Variants in CUX1 observed in about 807,000 individuals in gnomAD.
CUX1 encodes cut like homeobox 1, also known as protein CASP.
A neutral mutation model predicts 158.8 loss-of-function variants in CUX1; 31 were observed. The observed-to-expected ratio is 0.20, with a 90% CI of 0.15 to 0.26. CUX1 has a LOEUF of 0.26. Ranked by LOEUF, CUX1 falls within the 10% of genes least tolerant of loss-of-function variation. The pLI, the probability that CUX1 is intolerant of heterozygous loss-of-function variation, is 1.00. For synonymous variants in CUX1, 879 were observed against 862.1 expected, an observed-to-expected ratio of 1.02 and a Z score of -0.34; for missense variants, 1,589 against 2,014.6, an observed-to-expected ratio of 0.79 and a Z score of 4.04.
At chr7:101,989,294 G>C (rs1269336139) in intron 2 of CUX1, among the ~76,000 whole-genome samples, 1 of 152,230 alleles carries the variant, frequency 6.6e-6, no homozygotes, top group Non-Finnish European at 1.5e-5. Flanking sequence ...ACCTCGCCTG[G>C]AACGATGTCT....
At chr7:102,269,773 C>A (rs1791082893) in intron 14 of CUX1, among the ~76,000 whole-genome samples, 1 of 152,148 alleles carries the variant, frequency 6.6e-6, no homozygotes, top group African/African-American at 2.4e-5. Context: ...TCGAACAAGT[C>A]TCTAAGAAGT....
At chr7:102,281,969 C>A in intron 21 of CUX1, 1 of 1,327,134 alleles carries the variant, frequency 7.5e-7, no homozygotes, top group Non-Finnish European at 1.1e-6. Context: ...ATCCCCAGCC[C>A]TGACCTCCAG....
At chr7:101,853,564 C>A (rs559435780) in intron 1 of CUX1, among the ~76,000 whole-genome samples, 262 of 146,402 alleles carry the variant, frequency 1.8e-3, no homozygotes, top group Non-Finnish European at 2.7e-3. Flanking sequence ...GTTCATATAT[C>A]AGAGCATGGC....
At position 102,255,068 on chromosome 7, in the gene CUX1, A is replaced by G; in HGVS notation, c.*6026A>G. On this transcript the variant is annotated 3_prime_UTR_variant, in exon 24 of 24. Coordinates refer to ENST00000292535, the MANE Select transcript of CUX1 (RefSeq NM_181552.4). ...AGAGCGTAAAACAAGCCCCAGCCCT[A>G]CTCCCGGCCCCCCAGCCCAGTCTTC... 1.0e-6 allele frequency: 1 copy of G among 985,150 alleles called. No homozygotes were observed. 61.0% of individuals were successfully genotyped at this position (985,150 alleles called of 1,614,324 possible).
chr7:101,897,824 C>T (rs527899444), intron 1 of CUX1, among the ~76,000 whole-genome samples: 2 of 152,252 alleles, frequency 1.3e-5, no homozygotes, highest in African/African-American at 4.8e-5. Flanking sequence ...GTGTGTGTTT[C>T]AAGAGGAACC....
chr7:102,092,293 T>C (rs1828656008), intron 4 of CUX1, among the ~76,000 whole-genome samples: 1 of 152,206 alleles, frequency 6.6e-6, no homozygotes, highest in Non-Finnish European at 1.5e-5. Context: ...CACTATGCCT[T>C]GACCATGCCC....
intron 11 of CUX1, among the ~76,000 whole-genome samples, chr7:102,179,778 C>CTTCA (rs1792824882): frequency 1.3e-5 from 2 of 152,246 alleles, no homozygotes; most frequent in South Asian, 4.1e-4. Flanking sequence ...AAGGCAGGAC[C>CTTCA]TTCAGGGCAG....
intron 6 of CUX1, among the ~76,000 whole-genome samples, chr7:102,110,433 A>T (rs1830760953): frequency 6.6e-6 from 1 of 152,202 alleles, no homozygotes; most frequent in South Asian, 2.1e-4. Flanking sequence ...GTTACATATT[A>T]GTTTGTATTA....
At chr7:101,996,244 A>T (rs1008606883) in intron 2 of CUX1, among the ~76,000 whole-genome samples, 2 of 152,070 alleles carry the variant, frequency 1.3e-5, no homozygotes, top group Non-Finnish European at 2.9e-5. Flanking sequence ...ATGGCAGGAG[A>T]GTGGCTGTGG....
At chr7:101,952,470 C>A (rs746187047) in intron 2 of CUX1, among the ~76,000 whole-genome samples, 18 of 152,212 alleles carry the variant, frequency 1.2e-4, no homozygotes, top group Non-Finnish European at 2.2e-4. Context: ...CCGCCTGTGC[C>A]TTCACCAGCT....
chr7:102,240,228 T>C (rs1554534469), intron 23 of CUX1, among the ~76,000 whole-genome samples: 2 of 152,124 alleles, frequency 1.3e-5, no homozygotes, highest in South Asian at 2.1e-4. Context: ...AGTGAAACTT[T>C]TGTGGTTTAG....
At chr7:101,910,046 A>G (rs1263232393) in intron 1 of CUX1, among the ~76,000 whole-genome samples, 1 of 152,144 alleles carries the variant, frequency 6.6e-6, no homozygotes, top group East Asian at 1.9e-4. Context: ...CAGCCTCTCA[A>G]GTAGCTGGGA....
In CUX1 at chr7:102,216,715, C is replaced by T. The variant is rs556744615; in HGVS notation, c.3131-10652C>T. ...CACACACTCCCACACGCACTCTCCA[C>T]ACACACATGCACACAGAGTCCCACA... On this transcript the variant is annotated intron_variant, in intron 20 of 23. Coordinates refer to ENST00000292535, the MANE Select transcript of CUX1 (RefSeq NM_181552.4). Among the ~76,000 whole-genome samples the T allele has an allele frequency of 4.1e-5, 6 of 146,458 alleles. No individual in the cohort carries two copies. In the South Asian group the frequency reaches 1.1e-3, roughly 27 times the overall value.
At chr7:102,209,759 C>T (rs1796346580) in intron 20 of CUX1, among the ~76,000 whole-genome samples, 1 of 152,216 alleles carries the variant, frequency 6.6e-6, no homozygotes, top group Admixed American at 6.5e-5. Context: ...TCCCTCATTT[C>T]TGGACCTCAC....
At chr7:101,895,589 TA>T in intron 1 of CUX1, among the ~76,000 whole-genome samples, 1 of 152,264 alleles carries the variant, frequency 6.6e-6, no homozygotes, top group East Asian at 1.9e-4. Flanking sequence ...GTCCCATAGA[TA>T]GACTCAGCTC....
Position 102,097,409 on chromosome 7 carries a change from T to A in CUX1, c.314T>A (p.Val105Glu). Residue 105 changes from valine (V) to glutamate (E), a missense_variant, in exon 5 of 24, where the codon GTG (valine) becomes GAG (glutamate). Transcript: ENST00000292535. ...CTCGGACAGCAACTCCAGCTCAAAG[T>A]GCAGCGCCTGCACGATATTGAAACA... is the stretch of plus-strand genomic sequence containing the variant. ...LDLGQQLQLK[V>E]QRLHDIETEN... The A allele has an allele frequency of 3.1e-6, 5 of 1,613,502 alleles. No homozygotes were observed. The highest frequency in any genetic ancestry group is 4.2e-6 in the Non-Finnish European group (5 of 1,179,874).
At chr7:102,112,861 TG>T (rs1471302168) in intron 7 of CUX1, among the ~76,000 whole-genome samples, 1 of 152,198 alleles carries the variant, frequency 6.6e-6, no homozygotes, top group Non-Finnish European at 1.5e-5. Context: ...AGCATCACCA[TG>T]TATTTCATTT....
chr7:101,972,269 A>T (rs951170226), intron 2 of CUX1, among the ~76,000 whole-genome samples: 6 of 152,212 alleles, frequency 3.9e-5, no homozygotes, highest in Non-Finnish European at 8.8e-5. Flanking sequence ...CCCGGGCCAG[A>T]TCAACTGATG....
chr7:101,838,670 G>A (rs1332216357), intron 1 of CUX1, among the ~76,000 whole-genome samples: 1 of 151,824 alleles, frequency 6.6e-6, no homozygotes, highest in African/African-American at 2.4e-5. Flanking sequence ...GGGCTTGGTG[G>A]CGCATGCCTG....
Sources: gnomAD v4.1 joint callset for allele counts (sites outside exome capture counted in the v4.1 genomes callset) on GRCh38, gnomAD v4.1.1 for gene constraint, MANE v1.5 for transcripts, NCBI Gene and HGNC (gene_info 2026-07-23, HGNC 2026-07-21) for gene names.